The following SHOC2 variants were observed in gnomAD, a reference collection of about 807,000 sequenced individuals.
SHOC2 encodes the protein SHOC2 leucine rich repeat scaffold protein.
In SHOC2, 4 loss-of-function variants were observed where a neutral mutation model predicts 50.2. That is an observed-to-expected ratio of 0.08 (90% CI 0.04 to 0.18). The LOEUF (loss-of-function observed/expected upper bound fraction) is 0.18. Ranked by LOEUF, SHOC2 falls within the 10% of genes least tolerant of loss-of-function variation. SHOC2 has a pLI of 1.00. For missense variants in SHOC2, 388 were observed against 669.6 expected, an observed-to-expected ratio of 0.58 and a Z score of 4.64; for synonymous variants, 218 against 244.5, an observed-to-expected ratio of 0.89 and a Z score of 1.01.
Position 110,964,466 on chromosome 10 carries a change from A to G in SHOC2, c.108A>G (p.Lys36=). Residue 36 remains lysine, a synonymous_variant, in exon 2 of 9, where the codon AAA becomes AAG. Transcript: ENST00000369452. The surrounding 1 kb of genome is among the most constrained non-coding windows in gnomAD (Gnocchi z 4.9). ...KEAKASGGFG[K]ESKEKEPKTK... The stretch of plus-strand genomic sequence containing the variant: ...CAAAAGCCTCTGGAGGTTTTGGGAA[A>G]GAGAGCAAAGAAAAAGAACCTAAGA... 1 of 1,614,040 alleles carries G rather than the reference A, an allele frequency of 6.2e-7. No individual in the cohort carries two copies. The highest frequency in any genetic ancestry group is 1.3e-5 in the African/African-American group (1 of 75,020).
chr10:110,986,018 C>G, intron 3 of SHOC2: 1 of 379,248 alleles, frequency 2.6e-6, no homozygotes, highest in Non-Finnish European at 4.9e-6. Flanking sequence ...TATATTCTGT[C>G]ATAGTTTGAA....
chr10:110,974,856 C>T (rs1377215396), intron 2 of SHOC2, among the ~76,000 whole-genome samples: 1 of 152,078 alleles, frequency 6.6e-6, no homozygotes, highest in African/African-American at 2.4e-5. Context: ...TCATAAGTCC[C>T]ATAATAATAC....
At chr10:110,965,266 A>G (rs1847651175) in intron 2 of SHOC2, among the ~76,000 whole-genome samples, 1 of 152,196 alleles carries the variant, frequency 6.6e-6, no homozygotes, top group South Asian at 2.1e-4. Flanking sequence ...AAAGTGAGTT[A>G]GAAAATAGAT....
chr10:110,946,552 T>G (rs2134097719), intron 1 of SHOC2, among the ~76,000 whole-genome samples: 1 of 152,112 alleles, frequency 6.6e-6, no homozygotes, highest in East Asian at 1.9e-4. Context: ...AGGAAGACAT[T>G]TCTCTTTTAT....
intron 3 of SHOC2, among the ~76,000 whole-genome samples, chr10:110,998,504 G>T (rs574537576): frequency 6.6e-6 from 1 of 152,136 alleles, no homozygotes; most frequent in Admixed American, 6.5e-5. Context: ...AAATTAACTT[G>T]TCTTTGCTAA....
At chr10:110,942,783 C>T (rs991053551) in intron 1 of SHOC2, among the ~76,000 whole-genome samples, 2 of 152,118 alleles carry the variant, frequency 1.3e-5, no homozygotes, top group Admixed American at 6.5e-5. Flanking sequence ...TCTGGTAATG[C>T]TTTCATTTTA....
chr10:110,956,742 A>C (rs1386914981), intron 1 of SHOC2, among the ~76,000 whole-genome samples: 1 of 152,156 alleles, frequency 6.6e-6, no homozygotes. Flanking sequence ...GTTACCTTAT[A>C]TAATCATTGT....
intron 1 of SHOC2, among the ~76,000 whole-genome samples, chr10:110,952,748 T>G (rs1484868756): frequency 6.6e-6 from 1 of 152,264 alleles, no homozygotes; most frequent in Non-Finnish European, 1.5e-5. Context: ...TGGTGTGTGT[T>G]GTTCCCCTCC....
intron 4 of SHOC2, among the ~76,000 whole-genome samples, chr10:111,001,643 T>C (rs1158365441): frequency 3.3e-5 from 5 of 152,224 alleles, no homozygotes; most frequent in Non-Finnish European, 7.3e-5. Flanking sequence ...GCAGAGTCTT[T>C]TTTTGTAACA....
intron 1 of SHOC2, among the ~76,000 whole-genome samples, chr10:110,939,799 T>G (rs1015866282): frequency 6.6e-6 from 1 of 152,200 alleles, no homozygotes; most frequent in Non-Finnish European, 1.5e-5. Context: ...TGCTAGTTTT[T>G]AAGAATTGGT....
intron 2 of SHOC2, among the ~76,000 whole-genome samples, chr10:110,980,158 C>A (rs965279427): frequency 7.4e-6 from 1 of 135,952 alleles, no homozygotes; most frequent in Admixed American, 7.4e-5. Context: ...ATTCCTGTCA[C>A]TTTTTTTTTT....
intron 4 of SHOC2, among the ~76,000 whole-genome samples, chr10:111,003,853 T>C (rs1288560976): frequency 6.6e-6 from 1 of 152,198 alleles, no homozygotes; most frequent in Non-Finnish European, 1.5e-5. Context: ...TATACGGTCG[T>C]ATATTATTTT....
intron 1 of SHOC2, among the ~76,000 whole-genome samples, chr10:110,957,452 G>A (rs1487075390): frequency 1.3e-5 from 2 of 151,844 alleles, no homozygotes; most frequent in Non-Finnish European, 1.5e-5. Context: ...TACCTGGTGT[G>A]TATAATGCCG....
chr10:110,963,614 G>C (rs1847615362), intron 1 of SHOC2, among the ~76,000 whole-genome samples: 1 of 152,134 alleles, frequency 6.6e-6, no homozygotes, highest in African/African-American at 2.4e-5. Flanking sequence ...TTTTAGTGTA[G>C]TGGGTTAGGA....
In SHOC2 at chr10:110,940,539, AATT is replaced by A. The variant is rs1050578918; in HGVS notation, c.-235+20886_-235+20888del. On this transcript the variant is annotated intron_variant, in intron 1 of 8. Transcript: ENST00000369452. The stretch of plus-strand genomic sequence containing the variant: ...TTGCATGTATCATGTATGTAAATTC[AATT>A]ATTTATAGTTATACAATTTTATATA... Among the ~76,000 whole-genome samples the A allele has an allele frequency of 9.2e-5, 14 of 152,314 alleles. 1 individual carries two copies. Among genetic ancestry groups the A allele is most frequent in the African/African-American group, 3.1e-4 (13 of 41,568 alleles).
intron 1 of SHOC2, among the ~76,000 whole-genome samples, chr10:110,923,156 T>G (rs1846688178): frequency 6.6e-6 from 1 of 151,108 alleles, no homozygotes; most frequent in South Asian, 2.5e-4. Flanking sequence ...CCTGTAGATC[T>G]TTTTTGAAAT....
At chr10:110,998,796 T>G (rs1398583937) in intron 3 of SHOC2, among the ~76,000 whole-genome samples, 1 of 152,182 alleles carries the variant, frequency 6.6e-6, no homozygotes, top group Non-Finnish European at 1.5e-5. Flanking sequence ...GGCTAAAAAT[T>G]AGCTCCAATT....
intron 2 of SHOC2, among the ~76,000 whole-genome samples, chr10:110,968,501 C>CT (rs1211389453): frequency 6.6e-6 from 1 of 151,464 alleles, no homozygotes; most frequent in Non-Finnish European, 1.5e-5. Context: ...TTTTGTTAAA[C>CT]TTTCATTTAT....
At chr10:110,944,872 G>T (rs1228854559) in intron 1 of SHOC2, among the ~76,000 whole-genome samples, 1 of 152,082 alleles carries the variant, frequency 6.6e-6, no homozygotes, top group Non-Finnish European at 1.5e-5. Context: ...AGAGGATTTT[G>T]TGTGTGTGTG....
Sources: gnomAD v4.1 joint callset for allele counts (sites outside exome capture counted in the v4.1 genomes callset) on GRCh38, gnomAD v4.1.1 for gene constraint, Gnocchi (gnomAD v3.1) non-coding constraint, MANE v1.5 for transcripts, NCBI Gene and HGNC (gene_info 2026-07-23, HGNC 2026-07-21) for gene names.